The following PCDHA5 variants were observed in gnomAD, a reference collection of about 807,000 sequenced individuals.
The protein encoded by PCDHA5 is protocadherin alpha-5.
PCDHA5 carries 43 observed loss-of-function variants against 61.6 expected under a neutral mutation model. The ratio of observed to expected loss-of-function variants is 0.70; its 90% CI spans 0.55 to 0.90. The LOEUF is 0.90. Ranked by LOEUF, PCDHA5 falls within the 40% of genes least tolerant of loss-of-function variation. The pLI is 0.00. For missense variants in PCDHA5, 1,298 were observed against 1,222.7 expected, an observed-to-expected ratio of 1.06 and a Z score of -0.92; for synonymous variants, 627 against 543.9, an observed-to-expected ratio of 1.15 and a Z score of -2.13.
At position 140,889,293 on chromosome 5, in the gene PCDHA5, T is replaced by C. The variant is rs1051889855; in HGVS notation, c.2352+65166T>C. 3.3e-5 allele frequency among the ~76,000 whole-genome samples: 5 copies of C among 152,196 alleles called. No individual in the cohort carries two copies. The South Asian group carries it at 6.2e-4, about 19-fold the overall frequency. The stretch of plus-strand genomic sequence containing the variant: ...ATCTTTGAATTACTTCTTATTTGAT[T>C]GGAGAACTCACTGTTGAAGTTATCT... On this transcript the variant is annotated intron_variant, in intron 1 of 3. Transcript: ENST00000529859.
At chr5:140,848,740 G>A (rs2150419221) in intron 1 of PCDHA5, 5 of 1,593,114 alleles carry the variant, frequency 3.1e-6, no homozygotes, top group East Asian at 2.2e-5. Context: ...CTGCAGAATG[G>A]CATTTTGTTT....
chr5:140,854,743 GAT>G lies in PCDHA5; in HGVS notation c.2352+30621_2352+30622del, dbSNP rs1554147428. The G allele has an allele frequency of 2.0e-5, 3 of 149,440 alleles. 1 individual carries two copies. The highest frequency in any genetic ancestry group is 7.4e-5 in the African/African-American group (3 of 40,774). 9.3% of individuals were successfully genotyped at this position (149,440 alleles called of 1,614,324 possible). On this transcript the variant is annotated intron_variant, in intron 1 of 3. Coordinates refer to ENST00000529859, the MANE Select transcript of PCDHA5 (RefSeq NM_018908.3). ...AACTCAAGTTTTTTTCAGCAGCACAGATATATTACATTTTCATTCCTGAATAT... is the reference window on the plus strand; with the variant it reads ...AACTCAAGTTTTTTTCAGCAGCACAGATATTACATTTTCATTCCTGAATAT...
At chr5:140,906,709 GC>G (rs1228410148) in intron 1 of PCDHA5, among the ~76,000 whole-genome samples, 7 of 152,190 alleles carry the variant, frequency 4.6e-5, no homozygotes, top group African/African-American at 1.4e-4. Context: ...TTGTAGTCCT[GC>G]CTGGATTGTG....
intron 3 of PCDHA5, among the ~76,000 whole-genome samples, chr5:140,999,135 C>T (rs2097848218): frequency 6.6e-6 from 1 of 152,180 alleles, no homozygotes; most frequent in Non-Finnish European, 1.5e-5. Context: ...GAAAATGTCA[C>T]AGCCGGAAGT....
In PCDHA5 at chr5:140,990,740, G is replaced by C. The variant is rs76434886; in HGVS notation, c.2500+8177G>C. Among the ~76,000 whole-genome samples the C allele has an allele frequency of 8.5e-3, 1,294 of 152,288 alleles. 21 individuals carry two copies. Among genetic ancestry groups the C allele is most frequent in the African/African-American group, 0.029 (1,222 of 41,552 alleles). ...ATCACTAGGTATATCAACAGCCCTA[G>C]GGTGGATACCTTTGAGCCTGTAAAT... On this transcript the variant is annotated intron_variant, in intron 3 of 3. Coordinates refer to ENST00000529859, the MANE Select transcript of PCDHA5 (RefSeq NM_018908.3).
At position 140,856,180 on chromosome 5, in the gene PCDHA5, G is replaced by C; in HGVS notation, c.2352+32053G>C. ...AGGAGGCCAGACACGGCACCTTCGT[G>C]GGCCGCATCGCGCAGGACCTGGGGC... On this transcript the variant is annotated intron_variant, in intron 1 of 3. Coordinates refer to ENST00000529859, the MANE Select transcript of PCDHA5 (RefSeq NM_018908.3). The C allele has an allele frequency of 3.1e-6, 5 of 1,598,262 alleles. 1 individual carries two copies. Among genetic ancestry groups the C allele is most frequent in the Non-Finnish European group, 4.3e-6 (5 of 1,167,898 alleles).
chr5:140,876,408 G>T, intron 1 of PCDHA5: 1 of 1,613,942 alleles, frequency 6.2e-7, no homozygotes, highest in Non-Finnish European at 8.5e-7. Flanking sequence ...ATTTTGAAGA[G>T]AATAATGCCT....
At chr5:140,826,232 CTATT>C (rs1185758799) in intron 1 of PCDHA5, among the ~76,000 whole-genome samples, 2 of 152,152 alleles carry the variant, frequency 1.3e-5, no homozygotes, top group Non-Finnish European at 2.9e-5. Flanking sequence ...GTGATATAAA[CTATT>C]TATATATCTC....
chr5:140,941,202 C>CCTTTCTTCCTTCCTTT (rs1394736170), intron 1 of PCDHA5, among the ~76,000 whole-genome samples: 7 of 122,740 alleles, frequency 5.7e-5, no homozygotes, highest in African/African-American at 1.5e-4. Context: ...TTTCTTTCTT[C>CCTTTCTTCCTTCCTTT]CTTTCTTTCT....
chr5:140,836,170 C>T lies in PCDHA5; in HGVS notation c.2352+12043C>T. 1.9e-6 allele frequency: 3 copies of T among 1,613,826 alleles called. 1 individual carries two copies. The highest frequency in any genetic ancestry group is 2.5e-6 in the Non-Finnish European group (3 of 1,179,794). On this transcript the variant is annotated intron_variant, in intron 1 of 3. Transcript: ENST00000529859. ...GGCCATGTGGTGGCGAAGGTACGTG[C>T]AGTTGACGCTGACTCAGGCTACAAC...
chr5:140,967,367 C>A (rs1390450808), intron 1 of PCDHA5: 1 of 1,607,250 alleles, frequency 6.2e-7, no homozygotes, highest in Non-Finnish European at 8.5e-7. Flanking sequence ...TAAGCCCCTG[C>A]AGGAGAACAG....
chr5:140,831,488 T>TGG (rs60766535), intron 1 of PCDHA5, among the ~76,000 whole-genome samples: 58 of 148,696 alleles, frequency 3.9e-4, no homozygotes, highest in African/African-American at 1.2e-3. Context: ...GCCTCTGGAG[T>TGG]TACTACACAC....
At chr5:140,836,587 T>G in intron 1 of PCDHA5, 1 of 1,613,734 alleles carries the variant, frequency 6.2e-7, no homozygotes, top group Non-Finnish European at 8.5e-7. Context: ...TGTAGTTTGG[T>G]AAAGCCCACT....
intron 1 of PCDHA5, chr5:140,882,524 G>C (rs1340644606): frequency 9.9e-6 from 16 of 1,614,090 alleles, no homozygotes; most frequent in African/African-American, 2.7e-5. Context: ...CATTTTGTTT[G>C]TGAATTCTCG....
At chr5:140,887,704 C>A (rs1554183178) in intron 1 of PCDHA5, among the ~76,000 whole-genome samples, 1 of 152,104 alleles carries the variant, frequency 6.6e-6, no homozygotes, top group East Asian at 1.9e-4. Context: ...ATCAACCATA[C>A]TTCTTCTAAT....
intron 1 of PCDHA5, chr5:140,836,859 A>G: frequency 1.3e-6 from 1 of 776,996 alleles, no homozygotes. Flanking sequence ...ATTATTTTTT[A>G]ATGTTATGCT....
intron 1 of PCDHA5, among the ~76,000 whole-genome samples, chr5:140,827,091 A>T (rs2150146317): frequency 6.6e-6 from 1 of 152,332 alleles, no homozygotes; most frequent in East Asian, 1.9e-4. Flanking sequence ...ACTATTTTCT[A>T]GGAGTCAGCA....
At chr5:140,892,885 ACCAACCTTTCC>A (rs1269753589) in intron 1 of PCDHA5, among the ~76,000 whole-genome samples, 1 of 152,154 alleles carries the variant, frequency 6.6e-6, no homozygotes, top group Non-Finnish European at 1.5e-5. Flanking sequence ...GTATCCATTA[ACCAACCTTTCC>A]CCATCCTCCT....
intron 1 of PCDHA5, chr5:140,857,302 G>T: frequency 6.3e-7 from 1 of 1,598,652 alleles, no homozygotes; most frequent in Non-Finnish European, 8.6e-7. Flanking sequence ...AGAGGGTGTC[G>T]GCCTATGAGC....
Sources: gnomAD v4.1 joint callset for allele counts (sites outside exome capture counted in the v4.1 genomes callset) on GRCh38, gnomAD v4.1.1 for gene constraint, MANE v1.5 for transcripts, NCBI Gene and HGNC (gene_info 2026-07-23, HGNC 2026-07-21) for gene names.